The following SCN9A variants were observed in gnomAD, a reference collection of about 807,000 sequenced individuals.
SCN9A encodes the protein sodium voltage-gated channel alpha subunit 9.
A neutral mutation model predicts 187.0 loss-of-function variants in SCN9A; 131 were observed. The observed-to-expected ratio is 0.70, with a 90% confidence interval of 0.61 to 0.81. The LOEUF is 0.81. SCN9A is among the 30% of genes least tolerant of loss of function. SCN9A has a pLI of 0.00. For missense variants in SCN9A, 2,252 were observed against 2,396.6 expected, an observed-to-expected ratio of 0.94 and a Z score of 1.26; for synonymous variants, 809 against 808.6, an observed-to-expected ratio of 1.00 and a Z score of -0.01.
chr2:166,240,226 T>C (rs780892686), intron 19 of SCN9A, among the ~76,000 whole-genome samples: 2 of 152,210 alleles, frequency 1.3e-5, no homozygotes, highest in African/African-American at 2.4e-5. Context: ...AAGAAGATTC[T>C]GAAACACAAT....
At position 166,305,854 on chromosome 2, in the gene SCN9A, T is replaced by C; in HGVS notation, c.534A>G (p.Val178=). ...LVKILARGFC[V]GEFTFLRDPW... is the part of the protein sequence containing the mutation. ...GGTCACGAAGAAAAGTGAATTCTCC[T>C]ACACAGAAGCCTCTTGCAAGGATTT... The change falls in exon 5 of 27, where the codon GTA becomes GTG. Residue 178 remains valine, a synonymous_variant. Coordinates refer to ENST00000642356, the MANE Select transcript of SCN9A (RefSeq NM_001365536.1). 2 of 1,613,424 alleles carry C rather than the reference T, an allele frequency of 1.2e-6. No homozygotes were observed. The highest frequency in any genetic ancestry group is 1.7e-6 in the Non-Finnish European group (2 of 1,179,560).
chr2:166,304,138 TTA>T, intron 6 of SCN9A, 98 bp downstream of exon 6: 1 of 1,613,098 alleles, frequency 6.2e-7, no homozygotes, highest in Non-Finnish European at 8.5e-7. Context: ...ATAGGGGAGT[TTA>T]TACACACAGT....
chr2:166,222,945 CAAAAAAAAAAAAA>C (rs1309168684), intron 24 of SCN9A, among the ~76,000 whole-genome samples: 53 of 44,984 alleles, frequency 1.2e-3, no homozygotes, highest in Admixed American at 7.9e-3. Flanking sequence ...AAAAAAACAA[CAAAAAAAAAAAAA>C]AAAAAAAAAA....
intron 11 of SCN9A, 62 bp from the exon 12 acceptor site, chr2:166,284,886 A>G: frequency 6.7e-7 from 1 of 1,486,280 alleles, no homozygotes; most frequent in Non-Finnish European, 8.9e-7. Flanking sequence ...TACACTTCAT[A>G]TAAATACCAC....
At chr2:166,297,862 C>T (rs150302616) in intron 7 of SCN9A, among the ~76,000 whole-genome samples, 431 of 151,672 alleles carry the variant, frequency 2.8e-3, no homozygotes, top group African/African-American at 1.0e-2. Flanking sequence ...CACTAAAATA[C>T]GTATGGGGAA....
chr2:166,233,730 A>C (rs905858584), intron 20 of SCN9A, among the ~76,000 whole-genome samples: 1 of 152,158 alleles, frequency 6.6e-6, no homozygotes, highest in African/African-American at 2.4e-5. Context: ...TATGCTTTTC[A>C]CACTTTTGTA....
At chr2:166,244,091 A>G (rs766518688) in intron 18 of SCN9A, among the ~76,000 whole-genome samples, 2 of 152,054 alleles carry the variant, frequency 1.3e-5, no homozygotes, top group African/African-American at 2.4e-5. Flanking sequence ...AAACCACAGG[A>G]GGAGGAGCTG....
intron 1 of SCN9A, among the ~76,000 whole-genome samples, chr2:166,350,275 GCCC>G (rs1700003886): frequency 6.6e-6 from 1 of 152,182 alleles, no homozygotes; most frequent in Non-Finnish European, 1.5e-5. Flanking sequence ...CTATGGGGAT[GCCC>G]CTCCAGGAAT....
At chr2:166,244,298 A>C (rs1389808871) in intron 18 of SCN9A, among the ~76,000 whole-genome samples, 2 of 152,084 alleles carry the variant, frequency 1.3e-5, no homozygotes, top group Non-Finnish European at 2.9e-5. Flanking sequence ...TAGGGTGAGC[A>C]GAAAAAGGGC....
intron 1 of SCN9A, among the ~76,000 whole-genome samples, chr2:166,335,395 A>G (rs138746989): frequency 2.0e-3 from 304 of 152,286 alleles, no homozygotes; most frequent in African/African-American, 7.0e-3. Context: ...GTGAGAGATA[A>G]GTTCCTGGAA....
Position 166,318,217 on chromosome 2 carries a change from C to T in SCN9A, c.-50-6411G>A, listed in dbSNP as rs116962683. Among the ~76,000 whole-genome samples the T allele has an allele frequency of 1.7e-3, 263 of 152,026 alleles. 8 individuals carry two copies. In the East Asian group the frequency reaches 0.047, roughly 27 times the overall value. ...GGTGGAGTCGAGGGAAAGGTGACTC[C>T]CTTATCTACTCCTCATCCATACATC... On this transcript the variant is annotated intron_variant, in intron 1 of 26. Transcript: ENST00000642356.
chr2:166,272,655 G>C lies in SCN9A; in HGVS notation c.3095C>G (p.Thr1032Ser). 1 of 1,612,554 alleles carries C rather than the reference G, an allele frequency of 6.2e-7. No individual in the cohort carries two copies. The highest frequency in any genetic ancestry group is 8.5e-7 in the Non-Finnish European group (1 of 1,179,444). ...REIRQAEDLN[T>S]KKENYISNHT... The stretch of plus-strand genomic sequence containing the variant: ...GTTAGAAATATAGTTTTCCTTCTTA[G>C]TATTCAGATCTTCTGCTTGTCTTAT... Residue 1032 changes from threonine to serine, a missense_variant, in exon 17 of 27, where the codon ACT (threonine) becomes AGT (serine). By Grantham distance (58) the Thr-to-Ser change is moderately conservative (BLOSUM62 1). Transcript: ENST00000642356.
intron 1 of SCN9A, among the ~76,000 whole-genome samples, chr2:166,332,186 C>A (rs892007396): frequency 6.6e-6 from 1 of 152,138 alleles, no homozygotes; most frequent in South Asian, 2.1e-4. Context: ...GGTCTATGTA[C>A]AGCTATAGTA....
At chr2:166,322,189 T>C (rs1384387894) in intron 1 of SCN9A, among the ~76,000 whole-genome samples, 2 of 152,216 alleles carry the variant, frequency 1.3e-5, no homozygotes, top group African/African-American at 4.8e-5. Context: ...TTTCATTTTA[T>C]TTGAGTTTCT....
intron 1 of SCN9A, among the ~76,000 whole-genome samples, chr2:166,337,423 G>T (rs940519218): frequency 6.6e-6 from 1 of 152,052 alleles, no homozygotes; most frequent in Admixed American, 6.6e-5. Context: ...AAAATGGGAG[G>T]CTGGGTTGGA....
chr2:166,309,606 C>A (rs1450910577), intron 2 of SCN9A, among the ~76,000 whole-genome samples: 1 of 151,850 alleles, frequency 6.6e-6, no homozygotes, highest in Non-Finnish European at 1.5e-5. Context: ...AAAGAGGATA[C>A]AAACAAATGG....
chr2:166,222,393 G>A (rs1397515016), intron 24 of SCN9A, among the ~76,000 whole-genome samples: 1 of 152,190 alleles, frequency 6.6e-6, no homozygotes, highest in African/African-American at 2.4e-5. Flanking sequence ...ACTTTGGGAG[G>A]CCAAGGTGGG....
intron 21 of SCN9A, 149 bp from the exon 22 acceptor site, chr2:166,229,121 T>C (rs1694975957): frequency 1.6e-6 from 1 of 612,952 alleles, no homozygotes; most frequent in South Asian, 2.2e-5. Context: ...TCATGTTTAT[T>C]AAATGCCTAC....
chr2:166,324,565 T>C (rs566085715), intron 1 of SCN9A, among the ~76,000 whole-genome samples: 11 of 152,236 alleles, frequency 7.2e-5, no homozygotes, highest in Non-Finnish European at 1.2e-4. Flanking sequence ...CAAGGCACCA[T>C]AGAATCAGAA....
Sources: gnomAD v4.1 joint callset for allele counts (sites outside exome capture counted in the v4.1 genomes callset) on GRCh38, gnomAD v4.1.1 for gene constraint, MANE v1.5 for transcripts, NCBI Gene and HGNC (gene_info 2026-07-23, HGNC 2026-07-21) for gene names.